Variants in TEX46 observed in about 807,000 individuals in gnomAD.
TEX46 encodes the protein testis-expressed protein 46.
In TEX46, 6 loss-of-function variants were observed where a neutral mutation model predicts 5.3. That is an observed-to-expected ratio of 1.13 (90% CI 0.62 to 2.23). The LOEUF (loss-of-function observed/expected upper bound fraction) is 2.23, where lower values mean the gene tolerates loss of function less well. Among genes scored for constraint, TEX46 ranks in the 30% most tolerant of loss-of-function variants. The pLI, the probability that TEX46 is intolerant of heterozygous loss-of-function variation, is 0.00. For missense variants in TEX46, 131 were observed against 150.9 expected, an observed-to-expected ratio of 0.87 and a Z score of 0.69; for synonymous variants, 41 against 54.6, an observed-to-expected ratio of 0.75 and a Z score of 1.10.
intron 2 of TEX46, 98 bp from the exon 3 acceptor site, chr1:23,011,199 T>C: frequency 1.1e-6 from 1 of 883,466 alleles, no homozygotes; most frequent in Non-Finnish European, 1.8e-6. Flanking sequence ...TTTCTCTTCC[T>C]CCTTTTAAGC....
chr1:23,014,244 T>G, intron 1 of TEX46, 199 bp from the exon 2 acceptor site: 2 of 985,036 alleles, frequency 2.0e-6, no homozygotes, highest in Non-Finnish European at 2.8e-6. Context: ...TGTGCCAGAC[T>G]CTTTGACAGG....
chr1:23,012,666 G>A (rs1641368827), intron 2 of TEX46, among the ~76,000 whole-genome samples: 1 of 152,152 alleles, frequency 6.6e-6, no homozygotes, highest in Admixed American at 6.5e-5. Flanking sequence ...GGATTGTCAT[G>A]AAATGGCAGG....
At chr1:23,015,078 A>G (rs1186347893) in intron 1 of TEX46, among the ~76,000 whole-genome samples, 1 of 151,898 alleles carries the variant, frequency 6.6e-6, no homozygotes, top group Non-Finnish European at 1.5e-5. Context: ...CCTGACCTCA[A>G]ATGATCTGCC....
intron 1 of TEX46, among the ~76,000 whole-genome samples, chr1:23,015,371 G>A (rs927815650): frequency 7.3e-6 from 1 of 136,654 alleles, no homozygotes; most frequent in Non-Finnish European, 1.5e-5. Context: ...AGGAGGCAGA[G>A]GTTGCAGTGA....
intron 2 of TEX46, among the ~76,000 whole-genome samples, chr1:23,013,313 C>T (rs1450440644): frequency 1.3e-5 from 2 of 152,104 alleles, no homozygotes; most frequent in East Asian, 1.9e-4. Context: ...GCTGGTATTA[C>T]AGGTGTGTGT....
At chr1:23,012,415 A>T (rs1343108342) in intron 2 of TEX46, among the ~76,000 whole-genome samples, 10 of 152,144 alleles carry the variant, frequency 6.6e-5, no homozygotes, top group Non-Finnish European at 1.2e-4. Context: ...CAAAAAGGTA[A>T]ATAATACAAC....
intron 2 of TEX46, among the ~76,000 whole-genome samples, chr1:23,012,419 A>C (rs1383102110): frequency 6.6e-6 from 1 of 152,156 alleles, no homozygotes; most frequent in Non-Finnish European, 1.5e-5. Flanking sequence ...AAGGTAAATA[A>C]TACAACAAAT....
chr1:23,014,257 G>T (rs1306140874), intron 1 of TEX46: 1 of 478,308 alleles, frequency 2.1e-6, no homozygotes, highest in Non-Finnish European at 2.7e-6. Context: ...TTGACAGGCA[G>T]TTTGAAAGCA....
chr1:23,013,736 GGAAGCT>G, intron 2 of TEX46, 141 bp downstream of exon 2: 1 of 706,956 alleles, frequency 1.4e-6, no homozygotes, highest in South Asian at 2.0e-5. Context: ...CCACCTAAGA[GGAAGCT>G]GTAGAGTGGT....
chr1:23,014,290 T>G (rs761695654), intron 1 of TEX46: 4 of 265,476 alleles, frequency 1.5e-5, no homozygotes, highest in Non-Finnish European at 2.3e-5. Context: ...GTCCTCACAA[T>G]AGCCAGGTGA....
intron 2 of TEX46, among the ~76,000 whole-genome samples, chr1:23,012,179 G>A (rs1641359784): frequency 6.6e-6 from 1 of 151,674 alleles, no homozygotes; most frequent in African/African-American, 2.4e-5. Flanking sequence ...GTAAAATCCC[G>A]TCTCCACAAA....
At chr1:23,015,026 G>A (rs6675101) in intron 1 of TEX46, among the ~76,000 whole-genome samples, 122,169 of 151,596 alleles carry the variant, frequency 0.81, 49,648 homozygotes, top group Non-Finnish European at 0.83. Flanking sequence ...TATTTTTAGT[G>A]GAGACAGGGT....
At position 23,011,187 on chromosome 1, in the gene TEX46, G is replaced by T. The variant is rs184862862; in HGVS notation, c.166-86C>A. ...CTTGGAGTCGTTTTCAGAAGTCTTTGGTTTCTCTTCCTCCTTTTAAGCTCC... is the reference window on the plus strand; with the variant it reads ...CTTGGAGTCGTTTTCAGAAGTCTTTTGTTTCTCTTCCTCCTTTTAAGCTCC... On this transcript the variant is annotated intron_variant, in intron 2 of 2. Coordinates refer to ENST00000566855, the MANE Select transcript of TEX46 (RefSeq NM_001242521.2). 602 of 1,033,124 alleles carry T rather than the reference G, an allele frequency of 5.8e-4. 6 individuals are homozygous for T. In the African/African-American group the frequency reaches 8.2e-3, roughly 14 times the overall value. The allele number at this position is 1,033,124 out of a possible 1,614,324, so 64.0% of individuals were successfully genotyped here.
intron 1 of TEX46, among the ~76,000 whole-genome samples, chr1:23,015,470 C>CAAAAAAAAAAAAA (rs1641407628): frequency 1.6e-5 from 1 of 62,528 alleles, no homozygotes; most frequent in Non-Finnish European, 3.2e-5. Flanking sequence ...AAAAAAAAAG[C>CAAAAAAAAAAAAA]ATACATTGCT....
rs58815269 is a variant in TEX46, at chr1:23,012,869, CTTT to C, written c.165+1011_165+1013del. The stretch of plus-strand genomic sequence containing the variant: ...TAAATAAGATAGGCTATTGTTTTGC[CTTT>C]TTTTTTTTTTTTTTTTTGAGACAGA... On this transcript the variant is annotated intron_variant, in intron 2 of 2. Coordinates refer to ENST00000566855, the MANE Select transcript of TEX46 (RefSeq NM_001242521.2). Among the ~76,000 whole-genome samples the C allele has an allele frequency of 8.5e-3, 880 of 103,034 alleles. 7 individuals are homozygous for C. The highest frequency in any genetic ancestry group is 0.022 in the African/African-American group (611 of 27,304). The allele number at this position is 103,034 out of a possible 152,430, so 67.6% of individuals were successfully genotyped here.
Position 23,010,913 on chromosome 1 carries a change from A to G in TEX46, c.354T>C (p.Ser118=), listed in dbSNP as rs1641344084. Reference sequence around the variant, plus strand: ...CGCCTCGGCCTCATTAGCTGGGGGAACTCGAAGTACAGTCAGACAGGGTGG... The same window carrying G: ...CGCCTCGGCCTCATTAGCTGGGGGAGCTCGAAGTACAGTCAGACAGGGTGG... The part of the protein sequence containing the change: ...ICPTLSDCTS[S]SPS The change falls in exon 3 of 3, where the codon AGT becomes AGC. Residue 118 remains serine, a synonymous_variant. Coordinates refer to ENST00000566855, the MANE Select transcript of TEX46 (RefSeq NM_001242521.2). 3.3e-6 allele frequency: 5 copies of G among 1,526,958 alleles called. No individual in the cohort carries two copies. In the South Asian group the frequency reaches 4.8e-5, roughly 15 times the overall value. 94.6% of individuals were successfully genotyped at this position (1,526,958 alleles called of 1,614,324 possible). A position where few individuals can be genotyped will look rare whatever the true frequency, so the allele number is the denominator to read the frequency against.
chr1:23,014,152 T>TC (rs1641388334), intron 1 of TEX46, 107 bp from the exon 2 acceptor site: 1 of 1,438,310 alleles, frequency 7.0e-7, no homozygotes, highest in Non-Finnish European at 9.1e-7. Context: ...CCCACTCCTC[T>TC]GAGTCATAGC....
intron 2 of TEX46, among the ~76,000 whole-genome samples, chr1:23,012,869 C>G (rs993245149): frequency 9.7e-6 from 1 of 103,072 alleles, no homozygotes; most frequent in African/African-American, 3.7e-5. Flanking sequence ...ATTGTTTTGC[C>G]TTTTTTTTTT....
chr1:23,012,989 T>C (rs1641374231), intron 2 of TEX46, among the ~76,000 whole-genome samples: 1 of 150,942 alleles, frequency 6.6e-6, no homozygotes, highest in South Asian at 2.1e-4. Context: ...CTCAGTCTCC[T>C]GAGTAGCTGA....
Sources: gnomAD v4.1 joint callset for allele counts (sites outside exome capture counted in the v4.1 genomes callset) on GRCh38, gnomAD v4.1.1 for gene constraint, MANE v1.5 for transcripts, NCBI Gene and HGNC (gene_info 2026-07-23, HGNC 2026-07-21) for gene names.